TIMP2: variants seen among roughly 807,000 people sequenced by gnomAD.
The protein encoded by TIMP2 is TIMP metallopeptidase inhibitor 2, also known as metalloproteinase inhibitor 2.
A neutral mutation model predicts 24.3 loss-of-function variants in TIMP2; 5 were observed. The ratio of observed to expected loss-of-function variants is 0.21; its 90% CI spans 0.11 to 0.43. The LOEUF (loss-of-function observed/expected upper bound fraction) is 0.43. Ranked by LOEUF, TIMP2 falls within the 20% of genes least tolerant of loss-of-function variation. The pLI, the probability that TIMP2 is intolerant of heterozygous loss-of-function variation, is 1.00. For missense variants in TIMP2, 221 were observed against 297.5 expected (o/e 0.74, Z 1.89); for synonymous variants, 130 against 123.2 (o/e 1.06, Z -0.37).
chr17:78,893,426 T>G (rs2069946909), intron 1 of TIMP2, among the ~76,000 whole-genome samples: 1 of 123,228 alleles, frequency 8.1e-6, no homozygotes, highest in African/African-American at 4.5e-5. Context: ...GGGGTGTGTG[T>G]GCAGGGGTGT....
chr17:78,891,429 G>A lies in TIMP2; in HGVS notation c.131-17510C>T, dbSNP rs945315078. 6.4e-7 allele frequency: 1 copy of A among 1,550,786 alleles called. No homozygotes were observed. Reference sequence around the variant, plus strand: ...GGCTTCAGTGCCAGGTACAAGCACAGGTGTTTTTTCAGCTTTCTGTTTATA... The same window carrying A: ...GGCTTCAGTGCCAGGTACAAGCACAAGTGTTTTTTCAGCTTTCTGTTTATA... On this transcript the variant is annotated intron_variant, in intron 1 of 4. Transcript: ENST00000262768. This position sits in a 1 kb window ranked among gnomAD's most constrained non-coding sequence, Gnocchi z 4.5.
intron 1 of TIMP2, among the ~76,000 whole-genome samples, chr17:78,895,191 G>A (rs1195093545): frequency 6.6e-6 from 1 of 152,170 alleles, no homozygotes; most frequent in Non-Finnish European, 1.5e-5. Context: ...TAAGGCAGGA[G>A]AATTGCTTGT....
intron 1 of TIMP2, among the ~76,000 whole-genome samples, chr17:78,914,343 C>T (rs1361085451): frequency 6.6e-6 from 1 of 151,598 alleles, no homozygotes; most frequent in Non-Finnish European, 1.5e-5. Context: ...AGTACGGTGG[C>T]CCGATCTCGG....
chr17:78,907,884 G>C (rs1401657118), intron 1 of TIMP2, among the ~76,000 whole-genome samples: 1 of 152,134 alleles, frequency 6.6e-6, no homozygotes, highest in Non-Finnish European at 1.5e-5. Context: ...CTGTAGTCCC[G>C]GCACTCTGGG....
In TIMP2 at chr17:78,891,414, C is replaced by T. The variant is rs2069891621; in HGVS notation, c.131-17495G>A. 4.5e-6 allele frequency: 7 copies of T among 1,550,752 alleles called. No individual in the cohort carries two copies. In the East Asian group the frequency reaches 1.7e-4, roughly 38 times the overall value. On this transcript the variant is annotated intron_variant, in intron 1 of 4. Transcript: ENST00000262768. This position sits in a 1 kb window ranked among gnomAD's most constrained non-coding sequence, Gnocchi z 4.5. Reference sequence around the variant, plus strand: ...CTCTGGTCCATCCTGGGCTTCAGTGCCAGGTACAAGCACAGGTGTTTTTTC... The same window carrying T: ...CTCTGGTCCATCCTGGGCTTCAGTGTCAGGTACAAGCACAGGTGTTTTTTC...
chr17:78,859,718 A>G (rs1395690354), intron 3 of TIMP2, among the ~76,000 whole-genome samples: 4 of 151,462 alleles, frequency 2.6e-5, no homozygotes, highest in Admixed American at 2.6e-4. Flanking sequence ...CAGGCAGGGC[A>G]TGGTGGCTCA....
intron 1 of TIMP2, among the ~76,000 whole-genome samples, chr17:78,893,286 CAAGGGTGTGTGTGCAGGGGT>C (rs2069939267): frequency 2.0e-5 from 2 of 102,224 alleles, no homozygotes; most frequent in African/African-American, 8.6e-5. Flanking sequence ...GGTGTGCGGG[CAAGGGTGTGTGTGCAGGGGT>C]GTATGTGCAA....
intron 1 of TIMP2, among the ~76,000 whole-genome samples, chr17:78,906,109 G>A (rs1197045297): frequency 3.9e-5 from 6 of 152,148 alleles, no homozygotes; most frequent in Admixed American, 2.0e-4. Context: ...AGTGGCTCAC[G>A]CCTGTCATCC....
intron 1 of TIMP2, among the ~76,000 whole-genome samples, chr17:78,916,276 C>T (rs2070257116): frequency 2.0e-5 from 3 of 152,184 alleles, no homozygotes; most frequent in Admixed American, 2.0e-4. Context: ...GCATTTGACC[C>T]CCGCTCACCC....
intron 1 of TIMP2, chr17:78,901,997 C>G (rs1006156915): frequency 1.7e-6 from 1 of 582,522 alleles, no homozygotes; most frequent in African/African-American, 1.9e-5. Flanking sequence ...TCTCTGAGTT[C>G]TAGCCTCTAA....
At chr17:78,883,569 A>G (rs1599155184) in intron 1 of TIMP2, among the ~76,000 whole-genome samples, 1 of 152,142 alleles carries the variant, frequency 6.6e-6, no homozygotes, top group African/African-American at 2.4e-5. Context: ...CCGGGGCCAC[A>G]CCGCCTGCCA....
In TIMP2 at chr17:78,924,316, G is replaced by A. The variant is rs544243110; in HGVS notation, c.130+643C>T. Among the ~76,000 whole-genome samples, 56 of 152,274 alleles carry A rather than the reference G, an allele frequency of 3.7e-4. 1 individual carries two copies. In the South Asian group the frequency reaches 7.3e-3, roughly 20 times the overall value. On this transcript the variant is annotated intron_variant, in intron 1 of 4. Coordinates refer to ENST00000262768, the MANE Select transcript of TIMP2 (RefSeq NM_003255.5). The surrounding 1 kb of genome is among the most constrained non-coding windows in gnomAD (Gnocchi z 5.3). Reference sequence around the variant, plus strand: ...AAAAAGCGGAACATTCGGGGGTCCCGGTCCCTGCCCAGCCAGTTTGCAGGG... The same window carrying A: ...AAAAAGCGGAACATTCGGGGGTCCCAGTCCCTGCCCAGCCAGTTTGCAGGG...
intron 1 of TIMP2, among the ~76,000 whole-genome samples, chr17:78,877,707 C>CTT (rs781320147): frequency 4.2e-5 from 6 of 142,786 alleles, no homozygotes; most frequent in South Asian, 2.3e-4. Flanking sequence ...TTCTTTCTTT[C>CTT]TTTTTTTTTT....
intron 1 of TIMP2, chr17:78,890,947 C>G (rs1003856499): frequency 1.3e-6 from 2 of 1,551,002 alleles, no homozygotes; most frequent in African/African-American, 1.4e-5. Flanking sequence ...TTTGTTCAAG[C>G]GATTCCAGTT....
At chr17:78,898,372 C>A (rs2070036493) in intron 1 of TIMP2, 1 of 152,256 alleles carries the variant, frequency 6.6e-6, no homozygotes, top group South Asian at 2.1e-4. Flanking sequence ...AGCCTGCTGC[C>A]CAGGGAGGTC....
Position 78,886,373 on chromosome 17 carries a change from G to A in TIMP2, c.131-12454C>T, listed in dbSNP as rs141417016. Among the ~76,000 whole-genome samples, 41 of 150,964 alleles carry A rather than the reference G, an allele frequency of 2.7e-4. 1 individual carries two copies. In the East Asian group the frequency reaches 7.3e-3, roughly 27 times the overall value. ...TTCCAGGCTAAGGCAGGAAGACCTC[G>A]GCTACTCAATGTTTGGGCCCCATTG... On this transcript the variant is annotated intron_variant, in intron 1 of 4. Coordinates refer to ENST00000262768, the MANE Select transcript of TIMP2 (RefSeq NM_003255.5).
intron 3 of TIMP2, among the ~76,000 whole-genome samples, chr17:78,868,986 C>T (rs2069643414): frequency 6.6e-6 from 1 of 152,168 alleles, no homozygotes; most frequent in African/African-American, 2.4e-5. Flanking sequence ...ATAAGGTAGG[C>T]CCCCACAACA....
At chr17:78,873,594 G>A (rs989155942) in intron 2 of TIMP2, among the ~76,000 whole-genome samples, 1 of 152,186 alleles carries the variant, frequency 6.6e-6, no homozygotes, top group African/African-American at 2.4e-5. Context: ...CGCCCGGACA[G>A]GTTTCTGAAG....
At chr17:78,903,874 G>A (rs2070131164) in intron 1 of TIMP2, among the ~76,000 whole-genome samples, 1 of 152,116 alleles carries the variant, frequency 6.6e-6, no homozygotes. Context: ...AGTCTGGGTG[G>A]TTGGCATCTT....
Sources: allele counts gnomAD v4.1 joint callset (sites outside exome capture counted in the v4.1 genomes callset), GRCh38; gene constraint gnomAD v4.1.1; non-coding constraint Gnocchi (gnomAD v3.1); transcripts MANE v1.5; gene names NCBI Gene and HGNC (gene_info 2026-07-23, HGNC 2026-07-21).